The following ATG2B variants were observed in gnomAD, a reference collection of about 807,000 sequenced individuals.
The protein encoded by ATG2B is autophagy related 2B.
ATG2B carries 121 observed loss-of-function variants against 241.3 expected under a neutral mutation model. That is an observed-to-expected ratio of 0.50 (90% CI 0.43 to 0.58). ATG2B has a LOEUF of 0.58. Among genes scored for constraint, ATG2B ranks in the 20% least tolerant of loss-of-function variants. The pLI is 0.00. For synonymous variants in ATG2B, 858 were observed against 876.6 expected (o/e 0.98, Z 0.37); for missense variants, 2,306 against 2,491.6 (o/e 0.93, Z 1.59).
At chr14:96,360,030 T>C (rs759387573) in intron 1 of ATG2B, among the ~76,000 whole-genome samples, 17 of 152,224 alleles carry the variant, frequency 1.1e-4, no homozygotes, top group Non-Finnish European at 1.9e-4. Context: ...CTTCCACTTC[T>C]GCACACTGAA....
At chr14:96,359,376 T>C (rs1229254291) in intron 1 of ATG2B, among the ~76,000 whole-genome samples, 2 of 150,186 alleles carry the variant, frequency 1.3e-5, no homozygotes, top group Non-Finnish European at 3.0e-5. Context: ...AGACCCTGTC[T>C]CAAAAAAAAA....
chr14:96,327,229 T>TTAATAA (rs1566726548), intron 14 of ATG2B, among the ~76,000 whole-genome samples: 11 of 19,648 alleles, frequency 5.6e-4, no homozygotes, highest in African/African-American at 2.1e-3. Context: ...GATGTCTGTC[T>TTAATAA]CAATAATAAT....
chr14:96,311,967 T>G, intron 26 of ATG2B, 122 bp downstream of exon 26: 1 of 749,796 alleles, frequency 1.3e-6, no homozygotes. Context: ...CCTTTAATCT[T>G]TAAGGATCTT....
In ATG2B at chr14:96,281,271, TATTTTA is replaced by T. The variant is rs1410008055; in HGVS notation, c.*4478_*4483del. The T allele has an allele frequency of 2.0e-5, 3 of 152,202 alleles. No individual in the cohort carries two copies. Among genetic ancestry groups the T allele is most frequent in the African/African-American group, 7.2e-5 (3 of 41,458 alleles). The allele number at this position is 152,202 out of a possible 1,614,324, so 9.4% of individuals were successfully genotyped here. On this transcript the variant is annotated 3_prime_UTR_variant, in exon 42 of 42. Coordinates refer to ENST00000359933, the MANE Select transcript of ATG2B (RefSeq NM_018036.7). The stretch of plus-strand genomic sequence containing the variant: ...TTTAAAGCAAAATCCAAAGAGTAAA[TATTTTA>T]ATTTTTTCTTCAAGAGTATTCTTAT...
At chr14:96,308,261 T>A (rs370384064) in intron 29 of ATG2B, among the ~76,000 whole-genome samples, 4 of 25,602 alleles carry the variant, frequency 1.6e-4, no homozygotes, top group Admixed American at 4.6e-4. Context: ...TACACACATA[T>A]ATATATATAT....
intron 1 of ATG2B, among the ~76,000 whole-genome samples, chr14:96,353,575 G>GAGATTGTGCCA (rs1263591658): frequency 1.3e-5 from 2 of 151,896 alleles, no homozygotes; most frequent in East Asian, 3.9e-4. Context: ...GCAGAGAGCC[G>GAGATTGTGCCA]AGATTGTGCC....
intron 5 of ATG2B, among the ~76,000 whole-genome samples, chr14:96,342,565 T>C (rs1888067293): frequency 6.6e-6 from 1 of 151,704 alleles, no homozygotes; most frequent in Admixed American, 6.6e-5. Context: ...CTACTAAAAA[T>C]ACAAAAATTA....
intron 1 of ATG2B, among the ~76,000 whole-genome samples, chr14:96,355,784 CG>C (rs1888456539): frequency 6.6e-6 from 1 of 152,032 alleles, no homozygotes; most frequent in African/African-American, 2.4e-5. Flanking sequence ...CTTCTTAATA[CG>C]TAATTCCATA....
rs1450660526 is a variant in ATG2B at position 96,282,248 on chromosome 14, G to T, written c.*3507C>A. The stretch of plus-strand genomic sequence containing the variant: ...ATTTATATTTGATTTTATTCTATTT[G>T]ATACCAATTGGTATGTCCAGCTGAT... On this transcript the variant is annotated 3_prime_UTR_variant, in exon 42 of 42. Coordinates refer to ENST00000359933, the MANE Select transcript of ATG2B (RefSeq NM_018036.7). 6.6e-6 allele frequency: 1 copy of T among 152,106 alleles called. No individual in the cohort carries two copies. Among genetic ancestry groups the T allele is most frequent in the East Asian group, 1.9e-4 (1 of 5,192 alleles). 9.4% of individuals were successfully genotyped at this position (152,106 alleles called of 1,614,324 possible).
Position 96,301,991 on chromosome 14 carries a change from C to T in ATG2B, c.5139+16G>A, listed in dbSNP as rs960597054. ...AATCTAACTGTAACGGCAGGAATCA[C>T]GCTCATGCTACAAACCTGGTCAATA... On this transcript the variant is annotated intron_variant, in intron 34 of 41. Transcript: ENST00000359933. 6.3e-6 allele frequency: 10 copies of T among 1,586,940 alleles called. No homozygotes were observed. The highest frequency in any genetic ancestry group is 1.7e-4 in the Middle Eastern group (1 of 6,044).
At chr14:96,352,390 A>G (rs1888349781) in intron 1 of ATG2B, among the ~76,000 whole-genome samples, 1 of 152,204 alleles carries the variant, frequency 6.6e-6, no homozygotes, top group South Asian at 2.1e-4. Context: ...TTAAAAAAAA[A>G]AAAGTTAACT....
chr14:96,328,691 C>T lies in ATG2B; in HGVS notation c.1957G>A (p.Glu653Lys). The change falls in exon 13 of 42, where the codon GAG becomes AAG. Residue 653 changes from glutamate to lysine, a missense_variant. Coordinates refer to ENST00000359933, the MANE Select transcript of ATG2B (RefSeq NM_018036.7). ...TCTCTTACCTGGGGCCCTCTATTCT[C>T]AGAATGCTTATAATGAAGCTGAAGA... Reference protein sequence around the residue: ...VCLQLHYKHSENRGPQGNQAR... With the variant: ...VCLQLHYKHSKNRGPQGNQAR... 6.2e-7 allele frequency: 1 copy of T among 1,608,894 alleles called. No individual in the cohort carries two copies. Among genetic ancestry groups the T allele is most frequent in the South Asian group, 1.1e-5 (1 of 89,126 alleles).
Position 96,363,005 on chromosome 14 carries a change from G to C in ATG2B, c.-29C>G. Reference sequence around the variant, plus strand: ...GACTGCTGGCAGCTGGGCTGACTGCGGCTGCGGGTTGCGACGGCTCCGGCC... The same window carrying C: ...GACTGCTGGCAGCTGGGCTGACTGCCGCTGCGGGTTGCGACGGCTCCGGCC... On this transcript the variant is annotated 5_prime_UTR_variant, in exon 1 of 42. Coordinates refer to ENST00000359933, the MANE Select transcript of ATG2B (RefSeq NM_018036.7). The C allele has an allele frequency of 1.2e-6, 2 of 1,611,562 alleles. No individual in the cohort carries two copies. Among genetic ancestry groups the C allele is most frequent in the Non-Finnish European group, 1.7e-6 (2 of 1,179,274 alleles).
chr14:96,347,429 C>T (rs1031996822), intron 1 of ATG2B, 88 bp from the exon 2 acceptor site: 3 of 994,960 alleles, frequency 3.0e-6, no homozygotes, highest in Non-Finnish European at 4.3e-6. Flanking sequence ...TATGCCCACA[C>T]ATGTTAGGCA....
intron 15 of ATG2B, 43 bp from the exon 16 acceptor site, chr14:96,324,041 G>T: frequency 7.5e-7 from 1 of 1,331,418 alleles, no homozygotes. Flanking sequence ...TTCTTCTCAA[G>T]TACTAAAAGA....
intron 6 of ATG2B, among the ~76,000 whole-genome samples, chr14:96,337,347 A>T (rs1350793718): frequency 6.6e-6 from 1 of 152,188 alleles, no homozygotes; most frequent in Non-Finnish European, 1.5e-5. Context: ...ATACATTTTT[A>T]ACTAAGTAAA....
intron 12 of ATG2B, 112 bp from the exon 13 acceptor site, chr14:96,328,878 C>A: frequency 2.7e-6 from 2 of 728,384 alleles, no homozygotes; most frequent in Non-Finnish European, 4.4e-6. Context: ...TTTTAAGTTT[C>A]ATTTTTGTCA....
At chr14:96,326,062 T>A (rs1184775709) in intron 14 of ATG2B, 140 bp from the exon 15 acceptor site, 9 of 795,456 alleles carry the variant, frequency 1.1e-5, no homozygotes, top group Non-Finnish European at 1.5e-5. Flanking sequence ...AATTAACCAC[T>A]ACCATATTAA....
intron 23 of ATG2B, among the ~76,000 whole-genome samples, chr14:96,313,718 A>G (rs1344361114): frequency 6.6e-6 from 1 of 152,198 alleles, no homozygotes; most frequent in African/African-American, 2.4e-5. Context: ...TATAATAAAA[A>G]TAAATTTTTT....
Sources: gnomAD v4.1 joint callset for allele counts (sites outside exome capture counted in the v4.1 genomes callset) on GRCh38, gnomAD v4.1.1 for gene constraint, MANE v1.5 for transcripts, NCBI Gene and HGNC (gene_info 2026-07-23, HGNC 2026-07-21) for gene names.